AGBL4: variants seen among roughly 807,000 people sequenced by gnomAD.
AGBL4 encodes the protein cytosolic carboxypeptidase 6.
In AGBL4, 58 loss-of-function variants were observed where a neutral mutation model predicts 66.4. The observed-to-expected ratio is 0.87, with a 90% confidence interval of 0.71 to 1.09. AGBL4 has a LOEUF of 1.09. Ranked by LOEUF, AGBL4 falls within the 50% of genes least tolerant of loss-of-function variation. The probability of loss-of-function intolerance (pLI) is 0.00; values close to 1 mark genes in which losing one functional copy is unlikely to be tolerated. For synonymous variants in AGBL4, 234 were observed against 222.9 expected (o/e 1.05, Z -0.44); for missense variants, 579 against 631.0 (o/e 0.92, Z 0.88).
chr1:49,263,467 G>C (rs1161977140), intron 3 of AGBL4, among the ~76,000 whole-genome samples: 1 of 151,780 alleles, frequency 6.6e-6, no homozygotes, highest in Non-Finnish European at 1.5e-5. Flanking sequence ...ATAGAAAATA[G>C]GCCAAGCATA....
intron 3 of AGBL4, among the ~76,000 whole-genome samples, chr1:49,292,171 T>C (rs756326979): frequency 3.3e-5 from 5 of 152,178 alleles, no homozygotes; most frequent in Non-Finnish European, 7.3e-5. Context: ...GAGGCAGTGC[T>C]GACACACCAG....
At chr1:49,979,187 C>T (rs1235982469) in intron 1 of AGBL4, among the ~76,000 whole-genome samples, 3 of 152,062 alleles carry the variant, frequency 2.0e-5, no homozygotes, top group South Asian at 2.1e-4. Flanking sequence ...CCTGGCCGGG[C>T]GCGGTGGCTC....
chr1:48,807,584 C>T (rs932767548), intron 6 of AGBL4, among the ~76,000 whole-genome samples: 6 of 152,182 alleles, frequency 3.9e-5, no homozygotes, highest in Non-Finnish European at 8.8e-5. Context: ...TTTGGGCCAA[C>T]TATTCTCAGC....
chr1:49,854,208 G>A lies in AGBL4; in HGVS notation c.35-2690C>T, dbSNP rs116434019. Among the ~76,000 whole-genome samples the A allele has an allele frequency of 6.7e-3, 1,011 of 151,744 alleles. 6 individuals are homozygous for A. The highest frequency in any genetic ancestry group is 0.014 in the Middle Eastern group (4 of 292). ...GCCCTCATTCACAAGGAAGGGGCAAGTGTCAGGCCCCTCTAAAACAAGTAG... is the reference window on the plus strand; with the variant it reads ...GCCCTCATTCACAAGGAAGGGGCAAATGTCAGGCCCCTCTAAAACAAGTAG... On this transcript the variant is annotated intron_variant, in intron 1 of 13. Transcript: ENST00000371839.
At chr1:48,951,208 T>C (rs1557494034) in intron 5 of AGBL4, among the ~76,000 whole-genome samples, 2 of 152,152 alleles carry the variant, frequency 1.3e-5, no homozygotes, top group Non-Finnish European at 2.9e-5. Flanking sequence ...ACTGGCATGG[T>C]CAGCAAAAGC....
chr1:49,085,470 A>G (rs572471403), intron 4 of AGBL4, among the ~76,000 whole-genome samples: 29 of 152,154 alleles, frequency 1.9e-4, no homozygotes, highest in Non-Finnish European at 1.5e-4. Flanking sequence ...CTTCACAATC[A>G]TATGAGCCAA....
chr1:49,082,575 G>A (rs1228222537), intron 4 of AGBL4, among the ~76,000 whole-genome samples: 1 of 152,168 alleles, frequency 6.6e-6, no homozygotes, highest in Non-Finnish European at 1.5e-5. Flanking sequence ...GGGGAAAACT[G>A]CTACCATGAT....
At chr1:49,418,437 ATAG>A (rs1645475365) in intron 3 of AGBL4, among the ~76,000 whole-genome samples, 1 of 152,228 alleles carries the variant, frequency 6.6e-6, no homozygotes, top group Non-Finnish European at 1.5e-5. Flanking sequence ...TCGTAGTCTA[ATAG>A]AAGAGACTGA....
intron 3 of AGBL4, among the ~76,000 whole-genome samples, chr1:49,657,409 T>C (rs1288106707): frequency 6.6e-6 from 1 of 152,050 alleles, no homozygotes; most frequent in Non-Finnish European, 1.5e-5. Flanking sequence ...GAAGAATCAA[T>C]ATCGTGAAAA....
intron 1 of AGBL4, among the ~76,000 whole-genome samples, chr1:49,930,933 G>C (rs1432905627): frequency 1.3e-5 from 2 of 152,038 alleles, no homozygotes; most frequent in African/African-American, 2.4e-5. Context: ...AAATTTAAAA[G>C]CATCCTGATT....
chr1:49,947,087 G>A (rs115826572), intron 1 of AGBL4, among the ~76,000 whole-genome samples: 2 of 151,610 alleles, frequency 1.3e-5, no homozygotes, highest in African/African-American at 2.4e-5. Context: ...AAGACCAGAC[G>A]GATTCACAGG....
At chr1:48,543,376 G>T (rs1211333301) in intron 11 of AGBL4, among the ~76,000 whole-genome samples, 5 of 140,858 alleles carry the variant, frequency 3.5e-5, no homozygotes, top group Admixed American at 2.2e-4. Flanking sequence ...GTGCAGAAAT[G>T]ATTTACCATC....
Position 49,793,191 on chromosome 1 carries a change from T to G in AGBL4, c.157+58205A>C, listed in dbSNP as rs537273091. ...TGAGAACAAGAACTTTGTCAGTTTT[T>G]GGTGATAGTTGTAGTCCCAGACCTC... On this transcript the variant is annotated intron_variant, in intron 2 of 13. Coordinates refer to ENST00000371839, the MANE Select transcript of AGBL4 (RefSeq NM_032785.4). Among the ~76,000 whole-genome samples the G allele has an allele frequency of 8.7e-4, 133 of 152,138 alleles. 2 individuals are homozygous for G. The South Asian group carries it at 0.014, about 16-fold the overall frequency.
At position 48,940,751 on chromosome 1, in the gene AGBL4, T is replaced by A. The variant is rs142542023; in HGVS notation, c.595-73521A>T. Among the ~76,000 whole-genome samples, 924 of 152,310 alleles carry A rather than the reference T, an allele frequency of 6.1e-3. 40 individuals are homozygous for A. The highest frequency in any genetic ancestry group is 0.057 in the Admixed American group (867 of 15,300). On this transcript the variant is annotated intron_variant, in intron 5 of 13. Transcript: ENST00000371839. ...CAAAGACTGCAAATCAGTGACAAAC[T>A]TTTAAATAGAAGGCAGCTACTGAAA... is the stretch of plus-strand genomic sequence containing the variant.
At chr1:49,356,250 C>T (rs1166869769) in intron 3 of AGBL4, among the ~76,000 whole-genome samples, 11 of 152,098 alleles carry the variant, frequency 7.2e-5, no homozygotes, top group Admixed American at 7.2e-4. Flanking sequence ...GAATTTCTTC[C>T]CCATTCATCA....
intron 6 of AGBL4, among the ~76,000 whole-genome samples, chr1:48,846,411 AAG>A (rs1491138999): frequency 6.8e-6 from 1 of 148,120 alleles, no homozygotes; most frequent in East Asian, 1.9e-4. Context: ...GAAAGAAAGA[AAG>A]AAAGAAAGAA....
At chr1:48,731,657 C>T (rs981230521) in intron 6 of AGBL4, among the ~76,000 whole-genome samples, 2 of 152,178 alleles carry the variant, frequency 1.3e-5, no homozygotes, top group Admixed American at 6.5e-5. Flanking sequence ...GTGTTCCAGG[C>T]ATCCGGAAAA....
intron 9 of AGBL4, among the ~76,000 whole-genome samples, chr1:48,608,616 A>T (rs1002650220): frequency 6.6e-6 from 1 of 152,172 alleles, no homozygotes; most frequent in Non-Finnish European, 1.5e-5. Context: ...GATGGACAAG[A>T]CAGGCAACTG....
At chr1:49,844,041 G>T (rs569859589) in intron 2 of AGBL4, among the ~76,000 whole-genome samples, 1 of 152,256 alleles carries the variant, frequency 6.6e-6, no homozygotes, top group Non-Finnish European at 1.5e-5. Context: ...ACTCTCAGGG[G>T]GTTCCCATTT....
Sources: gnomAD v4.1 joint callset for allele counts (sites outside exome capture counted in the v4.1 genomes callset) on GRCh38, gnomAD v4.1.1 for gene constraint, MANE v1.5 for transcripts, NCBI Gene and HGNC (gene_info 2026-07-23, HGNC 2026-07-21) for gene names.